AGBL4: variants seen among roughly 807,000 people sequenced by gnomAD.
The protein encoded by AGBL4 is AGBL carboxypeptidase 4.
A neutral mutation model predicts 66.4 loss-of-function variants in AGBL4; 58 were observed. The ratio of observed to expected loss-of-function variants is 0.87; its 90% CI spans 0.71 to 1.09. The LOEUF (loss-of-function observed/expected upper bound fraction) is 1.09. AGBL4 is among the 50% of genes least tolerant of loss of function. The probability of loss-of-function intolerance (pLI) is 0.00; values close to 1 mark genes in which losing one functional copy is unlikely to be tolerated. For synonymous variants in AGBL4, 234 were observed against 222.9 expected, an observed-to-expected ratio of 1.05 and a Z score of -0.44; for missense variants, 579 against 631.0, an observed-to-expected ratio of 0.92 and a Z score of 0.88.
chr1:49,110,029 T>G (rs903947373), intron 4 of AGBL4, among the ~76,000 whole-genome samples: 1 of 152,224 alleles, frequency 6.6e-6, no homozygotes, highest in Non-Finnish European at 1.5e-5. Flanking sequence ...GATGTCCATA[T>G]TGTGTTCTCC....
At position 49,813,721 on chromosome 1, in the gene AGBL4, G is replaced by A. The variant is rs576637462; in HGVS notation, c.157+37675C>T. Reference sequence around the variant, plus strand: ...TCCAGAGGGTGTAGATTTATAATACGAAAATAAATATATAACAGGTCTGGT... The same window carrying A: ...TCCAGAGGGTGTAGATTTATAATACAAAAATAAATATATAACAGGTCTGGT... On this transcript the variant is annotated intron_variant, in intron 2 of 13. Coordinates refer to ENST00000371839, the MANE Select transcript of AGBL4 (RefSeq NM_032785.4). 7.2e-5 allele frequency among the ~76,000 whole-genome samples: 11 copies of A among 151,738 alleles called. No homozygotes were observed. In the East Asian group the frequency reaches 7.8e-4, roughly 11 times the overall value.
chr1:49,499,867 T>G (rs1259053640), intron 3 of AGBL4, among the ~76,000 whole-genome samples: 2 of 151,886 alleles, frequency 1.3e-5, no homozygotes, highest in African/African-American at 4.8e-5. Context: ...TATCATATAG[T>G]GACTCCTCTG....
At chr1:48,815,554 T>C (rs1308573907) in intron 6 of AGBL4, among the ~76,000 whole-genome samples, 2 of 152,112 alleles carry the variant, frequency 1.3e-5, no homozygotes, top group African/African-American at 2.4e-5. Flanking sequence ...TAAAAAAAAA[T>C]AGGTGTCATA....
intron 4 of AGBL4, among the ~76,000 whole-genome samples, chr1:49,227,607 T>C (rs1057256208): frequency 3.9e-5 from 6 of 152,226 alleles, no homozygotes; most frequent in African/African-American, 1.4e-4. Context: ...AGAAGCCTTA[T>C]GTCTATGTCC....
At chr1:48,599,416 T>G (rs886525022) in intron 9 of AGBL4, among the ~76,000 whole-genome samples, 7 of 152,204 alleles carry the variant, frequency 4.6e-5, no homozygotes, top group Admixed American at 2.0e-4. Flanking sequence ...GAATGAGTAA[T>G]GCATTCCCCT....
chr1:49,009,470 T>C (rs1456055960), intron 5 of AGBL4, among the ~76,000 whole-genome samples: 1 of 150,418 alleles, frequency 6.6e-6, no homozygotes, highest in African/African-American at 2.4e-5. Context: ...CTGGTACCAT[T>C]CCTTCTGAAA....
intron 6 of AGBL4, among the ~76,000 whole-genome samples, chr1:48,827,139 T>C (rs946545530): frequency 9.9e-5 from 15 of 152,224 alleles, no homozygotes; most frequent in Non-Finnish European, 1.9e-4. Flanking sequence ...TGCCTCAGTA[T>C]GCTATTACTG....
intron 3 of AGBL4, among the ~76,000 whole-genome samples, chr1:49,323,448 A>ATTTTTTTTTTTTTTTTTTTTTTT (rs11295329): frequency 8.7e-6 from 1 of 114,888 alleles, no homozygotes. Context: ...TGCCTGGCTA[A>ATTTTTTTTTTTTTTTTTTTTTTT]TTTTTTTTTT....
intron 4 of AGBL4, among the ~76,000 whole-genome samples, chr1:49,145,281 T>C (rs891671836): frequency 6.6e-6 from 1 of 152,144 alleles, no homozygotes; most frequent in Non-Finnish European, 1.5e-5. Flanking sequence ...CTCTGCTACA[T>C]ATATTAAAGA....
chr1:48,845,828 C>T (rs527959719), intron 6 of AGBL4, among the ~76,000 whole-genome samples: 2 of 152,282 alleles, frequency 1.3e-5, no homozygotes, highest in East Asian at 3.9e-4. Flanking sequence ...TCAGTTTATT[C>T]ATCTGTTAAA....
chr1:49,462,172 A>G (rs895384888), intron 3 of AGBL4, among the ~76,000 whole-genome samples: 5 of 151,774 alleles, frequency 3.3e-5, no homozygotes, highest in East Asian at 1.9e-4. Context: ...CAGTTCAAAC[A>G]TTCAATGATA....
At chr1:49,470,605 C>T (rs974242876) in intron 3 of AGBL4, among the ~76,000 whole-genome samples, 12 of 152,004 alleles carry the variant, frequency 7.9e-5, no homozygotes, top group African/African-American at 2.7e-4. Flanking sequence ...GTGGAAGTAG[C>T]TTTCCATAAG....
intron 6 of AGBL4, among the ~76,000 whole-genome samples, chr1:48,854,658 A>C (rs766180346): frequency 6.6e-6 from 1 of 152,176 alleles, no homozygotes; most frequent in Non-Finnish European, 1.5e-5. Context: ...CAGGGGTGGT[A>C]TTTATGAGCC....
At chr1:48,743,310 C>A (rs576572269) in intron 6 of AGBL4, among the ~76,000 whole-genome samples, 2 of 152,276 alleles carry the variant, frequency 1.3e-5, no homozygotes, top group East Asian at 3.9e-4. Flanking sequence ...CCCCTGATTG[C>A]CTGATCCAGC....
intron 6 of AGBL4, among the ~76,000 whole-genome samples, chr1:48,757,689 A>G (rs1644014726): frequency 6.6e-6 from 1 of 152,254 alleles, no homozygotes; most frequent in African/African-American, 2.4e-5. Flanking sequence ...AGCAAATGAC[A>G]CCTACAAATA....
chr1:49,914,992 C>T (rs566535277), intron 1 of AGBL4, among the ~76,000 whole-genome samples: 2 of 152,190 alleles, frequency 1.3e-5, no homozygotes, highest in Admixed American at 6.5e-5. Context: ...AAAAATATTA[C>T]AATAGCAATT....
chr1:48,896,805 A>C (rs1651560824), intron 5 of AGBL4, among the ~76,000 whole-genome samples: 1 of 151,970 alleles, frequency 6.6e-6, no homozygotes. Flanking sequence ...AAATAAAAAG[A>C]TTTATTTTGA....
intron 3 of AGBL4, among the ~76,000 whole-genome samples, chr1:49,696,255 G>A (rs10489864): frequency 0.045 from 6,879 of 152,074 alleles, 168 homozygotes; most frequent in Middle Eastern, 0.088. Flanking sequence ...GATATCTTAC[G>A]ATTTGAGTTT....
At chr1:49,751,144 G>A (rs892667544) in intron 2 of AGBL4, among the ~76,000 whole-genome samples, 1 of 152,144 alleles carries the variant, frequency 6.6e-6, no homozygotes, top group Non-Finnish European at 1.5e-5. Context: ...AATGGTGAGA[G>A]AGGGCATCCT....
Sources: gnomAD v4.1 joint callset for allele counts (sites outside exome capture counted in the v4.1 genomes callset) on GRCh38, gnomAD v4.1.1 for gene constraint, MANE v1.5 for transcripts, NCBI Gene and HGNC (gene_info 2026-07-23, HGNC 2026-07-21) for gene names.